Variants in ATE1 observed in about 807,000 individuals in gnomAD.
The protein encoded by ATE1 is arginyl-tRNA--protein transferase 1.
In ATE1, 36 loss-of-function variants were observed where a neutral mutation model predicts 70.5. The ratio of observed to expected loss-of-function variants is 0.51; its 90% confidence interval spans 0.39 to 0.67. The LOEUF is 0.67. ATE1 is among the 30% of genes least tolerant of loss of function. The pLI is 0.00. For missense variants in ATE1, 593 were observed against 629.5 expected (o/e 0.94, Z 0.62); for synonymous variants, 232 against 219.3 (o/e 1.06, Z -0.51).
At chr10:121,808,503 C>T (rs1055131967) in intron 10 of ATE1, among the ~76,000 whole-genome samples, 3 of 152,152 alleles carry the variant, frequency 2.0e-5, no homozygotes, top group East Asian at 1.9e-4. Context: ...CAGTGGCAAC[C>T]GTGGAAGCAT....
chr10:121,842,593 C>A (rs552724161), intron 8 of ATE1, among the ~76,000 whole-genome samples: 1 of 152,214 alleles, frequency 6.6e-6, no homozygotes, highest in South Asian at 2.1e-4. Flanking sequence ...ATTAGCAAAT[C>A]AAATCCAACA....
chr10:121,768,006 C>T (rs929006448), intron 11 of ATE1, among the ~76,000 whole-genome samples: 5 of 152,182 alleles, frequency 3.3e-5, no homozygotes, highest in Admixed American at 3.3e-4. Context: ...GTGATATATA[C>T]ATACAACCTT....
rs560634028 is a variant in ATE1 at position 121,825,364 on chromosome 10, T to C, written c.1257+11354A>G. Among the ~76,000 whole-genome samples the C allele has an allele frequency of 1.7e-4, 26 of 151,818 alleles. No homozygotes were observed. In the South Asian group the frequency reaches 2.3e-3, roughly 13 times the overall value. On this transcript the variant is annotated intron_variant, in intron 10 of 11. Transcript: ENST00000224652. ...AACCAACAGCTCAGTTAAAAATATA[T>C]TTCATATCTCAGTTTAAAGAAAATA...
chr10:121,744,243 T>A (rs903607826), intron 11 of ATE1, among the ~76,000 whole-genome samples: 1 of 152,062 alleles, frequency 6.6e-6, no homozygotes, highest in Non-Finnish European at 1.5e-5. Context: ...ATTTAAAAAA[T>A]TTTTAACTTA....
At chr10:121,870,606 T>C (rs900871527) in intron 7 of ATE1, among the ~76,000 whole-genome samples, 7 of 152,192 alleles carry the variant, frequency 4.6e-5, no homozygotes, top group African/African-American at 1.4e-4. Context: ...CTCAGTCCCA[T>C]ATCCCTTTCC....
At chr10:121,840,347 A>G (rs931479164) in intron 9 of ATE1, among the ~76,000 whole-genome samples, 2 of 152,212 alleles carry the variant, frequency 1.3e-5, no homozygotes, top group Non-Finnish European at 2.9e-5. Flanking sequence ...AGTAAAAAAT[A>G]TAAAGCTGAA....
In ATE1 at chr10:121,836,809, G is replaced by T; in HGVS notation, c.1166C>A (p.Ala389Asp). The T allele has an allele frequency of 2.5e-6, 4 of 1,596,762 alleles. No individual in the cohort carries two copies. The highest frequency in any genetic ancestry group is 3.4e-6 in the Non-Finnish European group (4 of 1,172,616). Residue 389 changes from alanine to aspartate, a missense_variant, in exon 10 of 12, where the codon GCT becomes GAT. Ala to Asp is a moderately radical substitution (Grantham distance 126). Transcript: ENST00000224652. The stretch of plus-strand genomic sequence containing the variant: ...TTTCTCATGAAGCTGCCTAGTAAAA[G>T]CAATTTCTCTGCGAAAAGAAAAAGA... ...LGVYSALREIAFTRQLHEKTS... is the reference protein window; with the variant it reads ...LGVYSALREIDFTRQLHEKTS...
intron 3 of ATE1, among the ~76,000 whole-genome samples, chr10:121,920,930 G>A (rs544817994): frequency 1.4e-4 from 21 of 151,924 alleles, no homozygotes; most frequent in African/African-American, 4.6e-4. Flanking sequence ...GGAGGCAGAG[G>A]TTGCAGTGAG....
At chr10:121,919,131 C>T (rs1951777698) in intron 3 of ATE1, among the ~76,000 whole-genome samples, 1 of 152,066 alleles carries the variant, frequency 6.6e-6, no homozygotes, top group African/African-American at 2.4e-5. Flanking sequence ...CACTAGGGTC[C>T]CCTTCCACAC....
intron 10 of ATE1, among the ~76,000 whole-genome samples, chr10:121,802,275 C>T (rs1277051590): frequency 6.6e-6 from 1 of 151,362 alleles, no homozygotes; most frequent in African/African-American, 2.4e-5. Flanking sequence ...CTATCTTCTG[C>T]CTGGCAAGGC....
At chr10:121,856,076 C>T (rs1211194719) in intron 8 of ATE1, among the ~76,000 whole-genome samples, 3 of 125,800 alleles carry the variant, frequency 2.4e-5, no homozygotes, top group African/African-American at 3.0e-5. Flanking sequence ...AACTATATCT[C>T]AAAAAAAAAA....
intron 11 of ATE1, among the ~76,000 whole-genome samples, chr10:121,758,905 G>A (rs997016701): frequency 6.6e-6 from 1 of 152,134 alleles, no homozygotes; most frequent in Non-Finnish European, 1.5e-5. Context: ...TAAATGCTGT[G>A]TGTATTCTGA....
intron 8 of ATE1, among the ~76,000 whole-genome samples, chr10:121,867,462 T>C (rs1307664424): frequency 6.6e-6 from 1 of 152,172 alleles, no homozygotes; most frequent in East Asian, 1.9e-4. Flanking sequence ...AGCAAAGCAT[T>C]ATACATTATC....
chr10:121,853,560 A>C (rs1262643261), intron 8 of ATE1, among the ~76,000 whole-genome samples: 1 of 152,092 alleles, frequency 6.6e-6, no homozygotes, highest in Admixed American at 6.5e-5. Flanking sequence ...CAAAATCTGA[A>C]AAAAATCCAA....
intron 7 of ATE1, among the ~76,000 whole-genome samples, chr10:121,884,775 A>C (rs933507433): frequency 1.3e-5 from 2 of 152,218 alleles, no homozygotes; most frequent in South Asian, 4.1e-4. Flanking sequence ...TTGGTCATTT[A>C]ACTACTATTA....
At chr10:121,912,052 G>A (rs958655283) in intron 4 of ATE1, among the ~76,000 whole-genome samples, 2 of 151,626 alleles carry the variant, frequency 1.3e-5, no homozygotes, top group Non-Finnish European at 2.9e-5. Context: ...GGCCAAGCCC[G>A]GCTAATTTTT....
intron 5 of ATE1, among the ~76,000 whole-genome samples, chr10:121,904,788 G>A (rs1052693842): frequency 1.3e-5 from 2 of 151,716 alleles, no homozygotes; most frequent in African/African-American, 4.8e-5. Flanking sequence ...GGGCTTGCCT[G>A]AGACCATAAG....
intron 11 of ATE1, among the ~76,000 whole-genome samples, chr10:121,748,948 A>T (rs1564805943): frequency 6.6e-6 from 1 of 152,158 alleles, no homozygotes; most frequent in Non-Finnish European, 1.5e-5. Context: ...ATGTGGTGCT[A>T]ATTCTATCAC....
chr10:121,840,269 A>G (rs1045802789), intron 9 of ATE1, among the ~76,000 whole-genome samples: 9 of 152,212 alleles, frequency 5.9e-5, no homozygotes, highest in Non-Finnish European at 1.2e-4. Flanking sequence ...GTATACATGT[A>G]TATTTCTTCC....
Sources: allele counts gnomAD v4.1 joint callset (sites outside exome capture counted in the v4.1 genomes callset), GRCh38; gene constraint gnomAD v4.1.1; transcripts MANE v1.5; gene names NCBI Gene and HGNC (gene_info 2026-07-23, HGNC 2026-07-21).